PDIA5: variants seen among roughly 807,000 people sequenced by gnomAD.
The protein encoded by PDIA5 is protein disulfide isomerase family A member 5, also known as protein disulfide-isomerase A5.
A neutral mutation model predicts 77.6 loss-of-function variants in PDIA5; 58 were observed. The ratio of observed to expected loss-of-function variants is 0.75; its 90% CI spans 0.61 to 0.93. PDIA5 has a LOEUF of 0.93. PDIA5 is among the 40% of genes least tolerant of loss of function. The pLI is 0.00. For synonymous variants in PDIA5, 250 were observed against 252.1 expected (o/e 0.99, Z 0.08); for missense variants, 630 against 647.7 (o/e 0.97, Z 0.30).
chr3:123,156,772 A>G (rs1936028091), intron 15 of PDIA5, among the ~76,000 whole-genome samples: 1 of 152,104 alleles, frequency 6.6e-6, no homozygotes, highest in Admixed American at 6.5e-5. Flanking sequence ...GCATGGTGTC[A>G]GGGAGCGTGG....
At chr3:123,092,297 C>A in intron 2 of PDIA5, 58 bp from the exon 3 acceptor site, 3 of 1,379,340 alleles carry the variant, frequency 2.2e-6, no homozygotes, top group South Asian at 2.3e-5. Flanking sequence ...GGGAAGATAG[C>A]AGACATGACC....
intron 15 of PDIA5, among the ~76,000 whole-genome samples, chr3:123,159,738 A>T (rs1048851176): frequency 6.6e-6 from 1 of 152,180 alleles, no homozygotes; most frequent in Non-Finnish European, 1.5e-5. Context: ...ACCGTATAGA[A>T]TGTTACATAG....
intron 13 of PDIA5, 89 bp from the exon 14 acceptor site, chr3:123,150,145 C>T (rs1050131190): frequency 1.5e-5 from 13 of 872,734 alleles, no homozygotes; most frequent in African/African-American, 6.7e-5. Context: ...CATGTTCCCC[C>T]GAGTGGTTGG....
rs181164103 is a variant in PDIA5, at chr3:123,071,362, C to T, written c.42+4156C>T. ...CTTCTCTGCCTCTGCCCCTGATGGT[C>T]GCTTGAAGCTCAGACCCTGGAGGAC... On this transcript the variant is annotated intron_variant, in intron 1 of 16. Transcript: ENST00000316218. 9.4e-4 allele frequency among the ~76,000 whole-genome samples: 143 copies of T among 152,230 alleles called. 2 individuals are homozygous for T. The highest frequency in any genetic ancestry group is 3.3e-3 in the African/African-American group (139 of 41,520).
chr3:123,078,050 C>T (rs1318218238), intron 1 of PDIA5, among the ~76,000 whole-genome samples: 1 of 152,230 alleles, frequency 6.6e-6, no homozygotes. Flanking sequence ...CTGCGTGATC[C>T]GCTCGCCTCA....
At chr3:123,151,843 GCCTTCCTT>G (rs1484572132) in intron 14 of PDIA5, among the ~76,000 whole-genome samples, 1 of 125,676 alleles carries the variant, frequency 8.0e-6, no homozygotes, top group African/African-American at 3.1e-5. Context: ...CTGCCTGCCT[GCCTTCCTT>G]CCTGCCCTCC....
intron 6 of PDIA5, among the ~76,000 whole-genome samples, chr3:123,108,750 G>T (rs967577362): frequency 4.6e-5 from 7 of 152,002 alleles, no homozygotes; most frequent in Non-Finnish European, 1.0e-4. Context: ...GCCAGGCATG[G>T]TGGCATCTGC....
At chr3:123,112,534 CTTTTTTTTTT>C (rs55977938) in intron 7 of PDIA5, among the ~76,000 whole-genome samples, 2 of 61,454 alleles carry the variant, frequency 3.3e-5, no homozygotes, top group East Asian at 5.7e-4. Flanking sequence ...CAGCCCTATT[CTTTTTTTTTT>C]TTTTTTTTTT....
chr3:123,098,179 A>G (rs1369723050), intron 3 of PDIA5, among the ~76,000 whole-genome samples: 3 of 152,102 alleles, frequency 2.0e-5, no homozygotes, highest in Non-Finnish European at 4.4e-5. Context: ...AGCTCCATTC[A>G]GCTTATGTGG....
intron 1 of PDIA5, among the ~76,000 whole-genome samples, chr3:123,078,246 G>A (rs115559641): frequency 2.6e-5 from 4 of 152,260 alleles, no homozygotes; most frequent in Non-Finnish European, 5.9e-5. Context: ...TCACATGAAC[G>A]GAGGCGAGAC....
chr3:123,102,129 C>T (rs925252523), intron 3 of PDIA5, among the ~76,000 whole-genome samples: 24 of 152,098 alleles, frequency 1.6e-4, no homozygotes, highest in Non-Finnish European at 2.4e-4. Context: ...AGGCTGGTCT[C>T]GAACTCCTGA....
At chr3:123,076,584 C>T (rs368500359) in intron 1 of PDIA5, among the ~76,000 whole-genome samples, 60 of 152,336 alleles carry the variant, frequency 3.9e-4, no homozygotes, top group African/African-American at 1.3e-3. Context: ...CTCTCAGCTT[C>T]AGAGGATGAA....
rs74378378 is a variant in PDIA5, at chr3:123,114,699, A to T, written c.542-1532A>T. ...CCACAATGGAAACAATGCCCCTGAC[A>T]AGTGTCATATTCCTTCCTTCATGCC... is the stretch of plus-strand genomic sequence containing the variant. On this transcript the variant is annotated intron_variant, in intron 7 of 16. Transcript: ENST00000316218. Among the ~76,000 whole-genome samples, 443 of 152,264 alleles carry T rather than the reference A, an allele frequency of 2.9e-3. 1 individual carries two copies. The highest frequency in any genetic ancestry group is 9.8e-3 in the African/African-American group (407 of 41,548).
At chr3:123,072,617 G>T (rs563836686) in intron 1 of PDIA5, among the ~76,000 whole-genome samples, 20 of 152,190 alleles carry the variant, frequency 1.3e-4, no homozygotes, top group African/African-American at 4.3e-4. Flanking sequence ...TCCCAGGTAG[G>T]GGGGGTGGTG....
chr3:123,151,807 TCCTG>T (rs1159882690), intron 14 of PDIA5, among the ~76,000 whole-genome samples: 6 of 119,148 alleles, frequency 5.0e-5, no homozygotes, highest in Admixed American at 8.7e-5. Context: ...CTGCCTGCCT[TCCTG>T]CCTGCCTGCC....
chr3:123,136,629 C>T (rs930637316), intron 11 of PDIA5, among the ~76,000 whole-genome samples: 8 of 144,762 alleles, frequency 5.5e-5, no homozygotes, highest in African/African-American at 2.0e-4. Flanking sequence ...GTCCCAGCTA[C>T]TTGGGAGGCT....
intron 5 of PDIA5, 56 bp from the exon 6 acceptor site, chr3:123,106,693 C>A: frequency 1.6e-6 from 2 of 1,258,186 alleles, no homozygotes; most frequent in Non-Finnish European, 2.3e-6. Context: ...CTGATTCCCC[C>A]ACCTCCCTCT....
chr3:123,067,941 C>A (rs1933618908), intron 1 of PDIA5, among the ~76,000 whole-genome samples: 1 of 152,162 alleles, frequency 6.6e-6, no homozygotes, highest in African/African-American at 2.4e-5. Context: ...GTGTAAACTG[C>A]AAAATCTTAC....
chr3:123,094,198 T>G (rs891499537), intron 3 of PDIA5, among the ~76,000 whole-genome samples: 1 of 152,258 alleles, frequency 6.6e-6, no homozygotes, highest in African/African-American at 2.4e-5. Context: ...GACTATTCCA[T>G]GTAGTTGCCT....
Sources: allele counts gnomAD v4.1 joint callset (sites outside exome capture counted in the v4.1 genomes callset), GRCh38; gene constraint gnomAD v4.1.1; transcripts MANE v1.5; gene names NCBI Gene and HGNC (gene_info 2026-07-23, HGNC 2026-07-21).